Variants in STPG2 observed in about 807,000 individuals in gnomAD.
STPG2 encodes sperm-tail PG-rich repeat-containing protein 2.
In STPG2, 56 loss-of-function variants were observed where a neutral mutation model predicts 54.2. The ratio of observed to expected loss-of-function variants is 1.03; its 90% CI spans 0.83 to 1.29. The LOEUF (loss-of-function observed/expected upper bound fraction) is 1.29. Ranked by LOEUF, STPG2 falls within the 50% of genes most tolerant of loss-of-function variation. The pLI is 0.00. For missense variants in STPG2, 596 were observed against 544.9 expected, an observed-to-expected ratio of 1.09 and a Z score of -0.93; for synonymous variants, 200 against 181.8, an observed-to-expected ratio of 1.10 and a Z score of -0.81.
At chr4:97,731,205 G>T (rs1012618591) in intron 9 of STPG2, among the ~76,000 whole-genome samples, 4 of 152,220 alleles carry the variant, frequency 2.6e-5, no homozygotes, top group Non-Finnish European at 1.5e-5. Context: ...TCCCTTGAGG[G>T]TTTGACTGTG....
At chr4:97,921,629 C>T (rs1447964328) in intron 8 of STPG2, among the ~76,000 whole-genome samples, 3 of 151,850 alleles carry the variant, frequency 2.0e-5, no homozygotes, top group Non-Finnish European at 2.9e-5. Flanking sequence ...ACCTACAAGA[C>T]ATATATGGGA....
At chr4:97,571,197 A>G (rs1297870032) in intron 10 of STPG2, among the ~76,000 whole-genome samples, 2 of 152,130 alleles carry the variant, frequency 1.3e-5, no homozygotes, top group African/African-American at 4.8e-5. Flanking sequence ...TAGCACAGGT[A>G]AAATAATTAG....
intron 5 of STPG2, 106 bp from the exon 6 acceptor site, chr4:97,981,424 T>C: frequency 8.7e-7 from 1 of 1,146,790 alleles, no homozygotes; most frequent in Non-Finnish European, 1.2e-6. Context: ...AGTTAATTTA[T>C]TTCTTAATGG....
At chr4:97,677,348 A>G (rs1481460353) in intron 10 of STPG2, among the ~76,000 whole-genome samples, 1 of 152,186 alleles carries the variant, frequency 6.6e-6, no homozygotes, top group Non-Finnish European at 1.5e-5. Flanking sequence ...TATAGCTATT[A>G]TAACAATTTA....
intron 10 of STPG2, among the ~76,000 whole-genome samples, chr4:97,617,836 T>TATGCTAGAA (rs1370999157): frequency 6.6e-6 from 1 of 152,102 alleles, no homozygotes; most frequent in Non-Finnish European, 1.5e-5. Context: ...GGGAGATACA[T>TATGCTAGAA]ATGCTAGAAA....
intron 9 of STPG2, among the ~76,000 whole-genome samples, chr4:97,737,436 C>T (rs1725046020): frequency 6.6e-6 from 1 of 152,100 alleles, no homozygotes; most frequent in Non-Finnish European, 1.5e-5. Context: ...AAATTCAAAT[C>T]AAAGGCAAAG....
intron 9 of STPG2, among the ~76,000 whole-genome samples, chr4:97,805,970 A>C (rs1428261131): frequency 6.6e-6 from 1 of 152,204 alleles, no homozygotes; most frequent in Non-Finnish European, 1.5e-5. Context: ...TAAAATTAGC[A>C]CTACCGTTTG....
chr4:97,999,495 G>T (rs1431331040), intron 5 of STPG2, among the ~76,000 whole-genome samples: 1 of 151,882 alleles, frequency 6.6e-6, no homozygotes, highest in African/African-American at 2.4e-5. Context: ...TTGAGGTCAG[G>T]AATTGGAGAC....
chr4:97,931,653 GTTTT>G (rs1302507545), intron 8 of STPG2, among the ~76,000 whole-genome samples: 2 of 64,956 alleles, frequency 3.1e-5, no homozygotes, highest in African/African-American at 6.3e-5. Context: ...TTTGTTTTTG[GTTTT>G]TTTGTTTTTT....
intron 9 of STPG2, among the ~76,000 whole-genome samples, chr4:97,832,683 T>C (rs997679666): frequency 5.3e-5 from 8 of 152,160 alleles, no homozygotes; most frequent in Non-Finnish European, 1.0e-4. Context: ...ACAAAATCAA[T>C]GTGCAAAAAT....
intron 10 of STPG2, among the ~76,000 whole-genome samples, chr4:97,582,976 T>C (rs2148892144): frequency 6.6e-6 from 1 of 152,178 alleles, no homozygotes; most frequent in Middle Eastern, 3.4e-3. Flanking sequence ...TAAAACATTC[T>C]GGGAAATGTA....
chr4:97,924,156 A>C (rs952220799), intron 8 of STPG2, among the ~76,000 whole-genome samples: 2 of 152,208 alleles, frequency 1.3e-5, no homozygotes, highest in African/African-American at 4.8e-5. Flanking sequence ...CGAACCCACC[A>C]GAAGGAAGAA....
At chr4:97,626,790 C>T (rs368989797) in intron 10 of STPG2, among the ~76,000 whole-genome samples, 5 of 151,288 alleles carry the variant, frequency 3.3e-5, no homozygotes, top group South Asian at 2.1e-4. Context: ...TTCTATGTAC[C>T]GCATATTTTT....
intron 10 of STPG2, among the ~76,000 whole-genome samples, chr4:97,602,364 T>C (rs991667217): frequency 2.0e-5 from 3 of 151,810 alleles, no homozygotes; most frequent in African/African-American, 7.2e-5. Context: ...TCCATCCTCC[T>C]GCTCCAATCT....
intron 9 of STPG2, among the ~76,000 whole-genome samples, chr4:97,823,495 T>G (rs927178375): frequency 2.6e-5 from 4 of 152,218 alleles, no homozygotes; most frequent in African/African-American, 9.6e-5. Context: ...AAGATTCCTT[T>G]TCAAAGTATT....
intron 7 of STPG2, among the ~76,000 whole-genome samples, chr4:97,960,279 G>T (rs1370648471): frequency 6.6e-6 from 1 of 152,030 alleles, no homozygotes; most frequent in African/African-American, 2.4e-5. Context: ...CCCCCTCTGA[G>T]AACTGGAACA....
At chr4:97,747,601 C>A (rs1360939549) in intron 9 of STPG2, among the ~76,000 whole-genome samples, 1 of 151,178 alleles carries the variant, frequency 6.6e-6, no homozygotes. Context: ...TTATTGGGAT[C>A]AGTTTCATAT....
intron 8 of STPG2, among the ~76,000 whole-genome samples, chr4:97,930,903 C>T (rs911220914): frequency 2.0e-5 from 3 of 152,148 alleles, no homozygotes; most frequent in African/African-American, 7.2e-5. Flanking sequence ...CCTTTCACCT[C>T]CATGATTAGC....
chr4:97,486,684 G>A (rs966785688), intron 4 of STPG2, among the ~76,000 whole-genome samples: 1 of 151,394 alleles, frequency 6.6e-6, no homozygotes, highest in African/African-American at 2.4e-5. Flanking sequence ...CCTGAAGAAA[G>A]GAAGTCATTA....
Sources: allele counts gnomAD v4.1 joint callset (sites outside exome capture counted in the v4.1 genomes callset), GRCh38; gene constraint gnomAD v4.1.1; transcripts MANE v1.5; gene names NCBI Gene and HGNC (gene_info 2026-07-23, HGNC 2026-07-21).